The following KCNAB1 variants were observed in gnomAD, a reference collection of about 807,000 sequenced individuals.
The protein encoded by KCNAB1 is voltage-gated potassium channel subunit beta-1.
In KCNAB1, 35 loss-of-function variants were observed where a neutral mutation model predicts 64.6. The observed-to-expected ratio is 0.54, with a 90% CI of 0.41 to 0.72. The LOEUF (loss-of-function observed/expected upper bound fraction) is 0.72, where lower values mean the gene tolerates loss of function less well. Among genes scored for constraint, KCNAB1 ranks in the 30% least tolerant of loss-of-function variants. The probability of loss-of-function intolerance (pLI) is 0.00; values close to 1 mark genes in which losing one functional copy is unlikely to be tolerated. For missense variants in KCNAB1, 401 were observed against 512.9 expected, an observed-to-expected ratio of 0.78 and a Z score of 2.11; for synonymous variants, 177 against 183.8, an observed-to-expected ratio of 0.96 and a Z score of 0.30.
intron 1 of KCNAB1, among the ~76,000 whole-genome samples, chr3:156,150,376 C>T (rs1292533307): frequency 6.6e-6 from 1 of 152,102 alleles, no homozygotes; most frequent in East Asian, 1.9e-4. Flanking sequence ...TTGAGAGGGG[C>T]AGATATTCAA....
intron 1 of KCNAB1, among the ~76,000 whole-genome samples, chr3:156,178,074 C>T (rs1712522673): frequency 6.6e-6 from 1 of 152,112 alleles, no homozygotes; most frequent in African/African-American, 2.4e-5. Flanking sequence ...GAAGGGTCAC[C>T]AGACTTCCTA....
intron 8 of KCNAB1, among the ~76,000 whole-genome samples, chr3:156,490,728 T>C (rs1353126811): frequency 6.6e-6 from 1 of 152,052 alleles, no homozygotes; most frequent in African/African-American, 2.4e-5. Context: ...CAACATCTTT[T>C]CAACTGAAGG....
At chr3:156,291,450 G>A (rs969076211) in intron 1 of KCNAB1, 11 of 1,010,624 alleles carry the variant, frequency 1.1e-5, no homozygotes, top group Non-Finnish European at 1.3e-5. Flanking sequence ...CGCATCTTGC[G>A]GTAAGCCTGC....
intron 1 of KCNAB1, among the ~76,000 whole-genome samples, chr3:156,338,237 G>A (rs1288909998): frequency 6.7e-6 from 1 of 148,340 alleles, no homozygotes; most frequent in Non-Finnish European, 1.5e-5. Context: ...CTTCCTTTTA[G>A]GTTGAAAACA....
chr3:156,428,488 TACACACACAC>T (rs4056995), intron 2 of KCNAB1, among the ~76,000 whole-genome samples: 54 of 127,488 alleles, frequency 4.2e-4, no homozygotes, highest in Admixed American at 1.0e-3. Flanking sequence ...AATTCCTCTA[TACACACACAC>T]ACACACACAC....
chr3:156,421,487 G>A lies in KCNAB1; in HGVS notation c.276-129G>A, dbSNP rs75859158. 6,481 of 823,676 alleles carry A rather than the reference G, an allele frequency of 7.9e-3. 333 individuals are homozygous for A. In the South Asian group the frequency reaches 0.097, roughly 12 times the overall value. 51.0% of individuals were successfully genotyped at this position (823,676 alleles called of 1,614,324 possible). On this transcript the variant is annotated intron_variant, in intron 1 of 13. Transcript: ENST00000490337. ...GAGACCTGTCTCAAGACAATATGCC[G>A]GCATCTGTGGTTCTGCCTCTATCAG...
chr3:156,305,191 A>G (rs574118852), intron 1 of KCNAB1, among the ~76,000 whole-genome samples: 13 of 152,338 alleles, frequency 8.5e-5, no homozygotes, highest in African/African-American at 3.1e-4. Context: ...ATTGTCATTA[A>G]TATCAGTATT....
chr3:156,173,720 G>A (rs1211281163), intron 1 of KCNAB1, among the ~76,000 whole-genome samples: 1 of 152,168 alleles, frequency 6.6e-6, no homozygotes, highest in Admixed American at 6.5e-5. Flanking sequence ...AACTTGACAG[G>A]GCCACAGGGT....
chr3:156,291,437 C>A (rs1720408875), intron 1 of KCNAB1: 1 of 1,006,948 alleles, frequency 9.9e-7, no homozygotes, highest in Non-Finnish European at 1.2e-6. Flanking sequence ...GGGATGCTGG[C>A]GGCGCATCTT....
intron 1 of KCNAB1, among the ~76,000 whole-genome samples, chr3:156,147,974 C>A (rs556025101): frequency 6.6e-6 from 1 of 151,968 alleles, no homozygotes; most frequent in African/African-American, 2.4e-5. Flanking sequence ...CGCACACGCA[C>A]ACACAAACAC....
intron 1 of KCNAB1, among the ~76,000 whole-genome samples, chr3:156,374,211 C>G (rs1711513859): frequency 6.6e-6 from 1 of 152,226 alleles, no homozygotes; most frequent in South Asian, 2.1e-4. Context: ...CACTTAACCT[C>G]TCTAGGTCTC....
At chr3:156,393,375 C>T (rs1254955361) in intron 1 of KCNAB1, among the ~76,000 whole-genome samples, 1 of 152,202 alleles carries the variant, frequency 6.6e-6, no homozygotes, top group African/African-American at 2.4e-5. Context: ...CCTTCTCTAG[C>T]CACACCCTCT....
intron 1 of KCNAB1, among the ~76,000 whole-genome samples, chr3:156,241,818 G>A (rs2108449673): frequency 6.6e-6 from 1 of 152,146 alleles, no homozygotes; most frequent in East Asian, 1.9e-4. Context: ...ACTTTCCAGT[G>A]TCTAAGAAAA....
intron 1 of KCNAB1, among the ~76,000 whole-genome samples, chr3:156,184,371 C>T (rs1009476201): frequency 6.6e-6 from 1 of 152,166 alleles, no homozygotes; most frequent in East Asian, 1.9e-4. Flanking sequence ...ATCTTATATT[C>T]TGTCCAGCTC....
At chr3:156,292,191 G>C in intron 1 of KCNAB1, 1 of 1,565,478 alleles carries the variant, frequency 6.4e-7, no homozygotes, top group Non-Finnish European at 8.8e-7. Context: ...AGTGGAGACA[G>C]TCCATCGGTT....
intron 2 of KCNAB1, among the ~76,000 whole-genome samples, chr3:156,425,993 C>A (rs552159286): frequency 6.6e-6 from 1 of 151,934 alleles, no homozygotes; most frequent in Non-Finnish European, 1.5e-5. Context: ...GAGACTCCAC[C>A]GAGGGGAGGT....
intron 1 of KCNAB1, among the ~76,000 whole-genome samples, chr3:156,265,246 TAAC>T (rs999538951): frequency 7.9e-5 from 12 of 152,178 alleles, no homozygotes; most frequent in African/African-American, 1.4e-4. Flanking sequence ...GTGAAAATAA[TAAC>T]AAACCCATAA....
intron 1 of KCNAB1, among the ~76,000 whole-genome samples, chr3:156,124,243 G>A (rs1367649970): frequency 1.3e-5 from 2 of 148,724 alleles, no homozygotes; most frequent in Admixed American, 1.3e-4. Flanking sequence ...TTGAGATGGA[G>A]TCTCACTCTG....
Position 156,139,584 on chromosome 3 carries a change from G to GTTTTTTTT in KCNAB1, c.275+18717_275+18724dup, listed in dbSNP as rs386398329. Among the ~76,000 whole-genome samples, 256 of 55,250 alleles carry GTTTTTTTT rather than the reference G, an allele frequency of 4.6e-3. 40 individuals are homozygous for GTTTTTTTT. Among genetic ancestry groups the GTTTTTTTT allele is most frequent in the Non-Finnish European group, 7.1e-3 (220 of 31,100 alleles). 36.2% of individuals were successfully genotyped at this position (55,250 alleles called of 152,430 possible). On this transcript the variant is annotated intron_variant, in intron 1 of 13. Coordinates refer to ENST00000490337, the MANE Select transcript of KCNAB1 (RefSeq NM_172160.3). ...TTTCTCCCTAACTCCATTGTACTGT[G>GTTTTTTTT]TTTTTTTTTTTTTTTTTTTTTTTTT...
Sources: allele counts gnomAD v4.1 joint callset (sites outside exome capture counted in the v4.1 genomes callset), GRCh38; gene constraint gnomAD v4.1.1; transcripts MANE v1.5; gene names NCBI Gene and HGNC (gene_info 2026-07-23, HGNC 2026-07-21).